Variants in ZFYVE28 observed in about 807,000 individuals in gnomAD.
The protein encoded by ZFYVE28 is lateral signaling target protein 2 homolog.
ZFYVE28 carries 40 observed loss-of-function variants against 82.1 expected under a neutral mutation model. The ratio of observed to expected loss-of-function variants is 0.49; its 90% CI spans 0.38 to 0.63. The LOEUF (loss-of-function observed/expected upper bound fraction) is 0.63, where lower values mean the gene tolerates loss of function less well. Ranked by LOEUF, ZFYVE28 falls within the 30% of genes least tolerant of loss-of-function variation. The pLI is 0.00. For synonymous variants in ZFYVE28, 612 were observed against 546.1 expected (o/e 1.12, Z -1.68); for missense variants, 1,321 against 1,242.1 (o/e 1.06, Z -0.96).
chr4:2,349,109 C>A (rs947598392), intron 2 of ZFYVE28, among the ~76,000 whole-genome samples: 2 of 151,954 alleles, frequency 1.3e-5, no homozygotes, highest in Non-Finnish European at 2.9e-5. Flanking sequence ...TCTTTCAGTG[C>A]TATAGATAAT....
rs771703584 is a variant in ZFYVE28 at position 2,304,493 on chromosome 4, G to A, written c.1847C>T (p.Pro616Leu). The A allele has an allele frequency of 6.2e-6, 10 of 1,612,934 alleles. No homozygotes were observed. Among genetic ancestry groups the A allele is most frequent in the Non-Finnish European group, 8.5e-6 (10 of 1,179,674 alleles). Residue 616 changes from proline (P) to leucine (L), a missense_variant, in exon 8 of 13, where the codon CCC (proline) becomes CTC (leucine). By Grantham distance (98) the Pro-to-Leu change is moderately conservative. Around this residue, in one of 2 missense-constraint regions of ZFYVE28, gnomAD observed 978 missense variants for 833.7 expected, o/e 1.17. Transcript: ENST00000290974. The part of the protein sequence containing the change: ...APERQEEAPP[P>L]SEDASNGREP... ...CCGCCCGTTGGAGGCATCTTCTGAG[G>A]GTGGGGGCGCCTCCTCCTGTCTCTC...
At chr4:2,314,714 A>T in intron 7 of ZFYVE28, among the ~76,000 whole-genome samples, 1 of 152,216 alleles carries the variant, frequency 6.6e-6, no homozygotes, top group Middle Eastern at 3.2e-3. Flanking sequence ...TAAACTCCAC[A>T]GACACTATAA....
At chr4:2,400,754 G>A (rs376057221) in intron 1 of ZFYVE28, among the ~76,000 whole-genome samples, 120 of 152,208 alleles carry the variant, frequency 7.9e-4, no homozygotes, top group African/African-American at 2.8e-3. Context: ...GCCCTTTCAC[G>A]TTCTTCTGCC....
At chr4:2,298,347 C>T (rs1019292425) in intron 8 of ZFYVE28, among the ~76,000 whole-genome samples, 5 of 152,158 alleles carry the variant, frequency 3.3e-5, no homozygotes, top group Non-Finnish European at 7.4e-5. Context: ...GCTGTTGGTC[C>T]GTTTTGCATA....
rs758368856 is a variant in ZFYVE28, at chr4:2,418,071, G to C, written c.39+214C>G. Among the ~76,000 whole-genome samples, 13 of 152,058 alleles carry C rather than the reference G, an allele frequency of 8.5e-5. No individual in the cohort carries two copies. Among genetic ancestry groups the C allele is most frequent in the Non-Finnish European group, 1.8e-4 (12 of 67,994 alleles). The stretch of plus-strand genomic sequence containing the variant: ...GCAGGAGGGTCAGTCCTGGACCCGG[G>C]CTTAGGAAGCCGGGAGGGAGGTTCG... On this transcript the variant is annotated intron_variant, in intron 1 of 12. Coordinates refer to ENST00000290974, the MANE Select transcript of ZFYVE28 (RefSeq NM_020972.3). The surrounding 1 kb of genome is among the most constrained non-coding windows in gnomAD (Gnocchi z 4.6).
At chr4:2,294,079 T>TTA (rs1233315801) in intron 8 of ZFYVE28, among the ~76,000 whole-genome samples, 1 of 151,980 alleles carries the variant, frequency 6.6e-6, no homozygotes, top group Non-Finnish European at 1.5e-5. Flanking sequence ...GCAGGCTTTT[T>TTA]TTTTTTTTTT....
chr4:2,334,121 C>T (rs1721179644), intron 6 of ZFYVE28, among the ~76,000 whole-genome samples: 1 of 152,158 alleles, frequency 6.6e-6, no homozygotes, highest in African/African-American at 2.4e-5. Flanking sequence ...ATGTGAGGCT[C>T]ACTCTCTCTG....
chr4:2,339,341 G>T lies in ZFYVE28; in HGVS notation c.521+112C>A. ...CCACAGGCGGCCCTGAACCTGCCTG[G>T]CTCCTCCCTCTGTGGAATTTTCCAG... On this transcript the variant is annotated intron_variant, in intron 4 of 12. Transcript: ENST00000290974. This position sits in a 1 kb window ranked among gnomAD's most constrained non-coding sequence, Gnocchi z 5.0. 1 of 1,285,658 alleles carries T rather than the reference G, an allele frequency of 7.8e-7. No individual in the cohort carries two copies. The highest frequency in any genetic ancestry group is 1.1e-6 in the Non-Finnish European group (1 of 926,922). The allele number at this position is 1,285,658 out of a possible 1,614,324, so 79.6% of individuals were successfully genotyped here.
At chr4:2,415,415 G>T (rs1732926891) in intron 1 of ZFYVE28, among the ~76,000 whole-genome samples, 1 of 150,632 alleles carries the variant, frequency 6.6e-6, no homozygotes, top group Admixed American at 6.6e-5. Context: ...CCAGGAATTT[G>T]AGTCCAGCCG....
intron 1 of ZFYVE28, among the ~76,000 whole-genome samples, chr4:2,354,278 T>C (rs1188309348): frequency 1.3e-5 from 2 of 152,000 alleles, no homozygotes; most frequent in African/African-American, 4.8e-5. Flanking sequence ...CAACCCCTGA[T>C]TCAAGGGTCC....
intron 1 of ZFYVE28, among the ~76,000 whole-genome samples, chr4:2,373,489 T>C (rs541692511): frequency 6.6e-6 from 1 of 152,244 alleles, no homozygotes; most frequent in Admixed American, 6.5e-5. Context: ...TGGGCAACAG[T>C]GTGAGACCCT....
chr4:2,375,657 TG>T (rs60725675), intron 1 of ZFYVE28, among the ~76,000 whole-genome samples: 152,066 of 152,082 alleles, frequency 1, 76,025 homozygotes, highest in Middle Eastern at 1. Flanking sequence ...GCGCCTGCCC[TG>T]GGGGCGGGAC....
chr4:2,339,800 G>C lies in ZFYVE28; in HGVS notation c.319-145C>G. 1 of 726,994 alleles carries C rather than the reference G, an allele frequency of 1.4e-6. No individual in the cohort carries two copies. 45.0% of individuals were successfully genotyped at this position (726,994 alleles called of 1,614,324 possible). A position where few individuals can be genotyped will look rare whatever the true frequency, so the allele number is the denominator to read the frequency against. On this transcript the variant is annotated intron_variant, in intron 3 of 12. Coordinates refer to ENST00000290974, the MANE Select transcript of ZFYVE28 (RefSeq NM_020972.3). The surrounding 1 kb of genome is among the most constrained non-coding windows in gnomAD (Gnocchi z 5.0). ...CAGCTCGTGTTCCCGGTCCCCGCAG[G>C]AGGTTTTTCTTACATTCAGAGCAAT...
chr4:2,305,954 G>A (rs1369397841), intron 7 of ZFYVE28, among the ~76,000 whole-genome samples: 2 of 152,248 alleles, frequency 1.3e-5, no homozygotes, highest in Non-Finnish European at 2.9e-5. Flanking sequence ...GCAGGAGCTG[G>A]GTACCAGGAC....
intron 1 of ZFYVE28, among the ~76,000 whole-genome samples, chr4:2,382,551 CTTTGT>C (rs2108915634): frequency 6.6e-6 from 1 of 152,314 alleles, no homozygotes; most frequent in East Asian, 1.9e-4. Flanking sequence ...CCTGTAACCC[CTTTGT>C]TTTGACTAAT....
intron 8 of ZFYVE28, among the ~76,000 whole-genome samples, chr4:2,302,860 G>A (rs1307999020): frequency 2.0e-5 from 3 of 152,250 alleles, no homozygotes; most frequent in Non-Finnish European, 4.4e-5. Context: ...GCCGGACCCT[G>A]GAGGTCACAC....
At chr4:2,306,090 CA>C (rs1356879422) in intron 7 of ZFYVE28, among the ~76,000 whole-genome samples, 1 of 152,232 alleles carries the variant, frequency 6.6e-6, no homozygotes, top group Non-Finnish European at 1.5e-5. Context: ...CAACCAAAGA[CA>C]ATGCAAGCCA....
chr4:2,350,485 G>C (rs979426041), intron 2 of ZFYVE28, among the ~76,000 whole-genome samples: 2 of 151,870 alleles, frequency 1.3e-5, no homozygotes, highest in African/African-American at 4.8e-5. Context: ...AAGAAAGAAA[G>C]AAAGTATGAT....
At chr4:2,413,525 G>C (rs931274886) in intron 1 of ZFYVE28, among the ~76,000 whole-genome samples, 1 of 151,946 alleles carries the variant, frequency 6.6e-6, no homozygotes, top group Non-Finnish European at 1.5e-5. Flanking sequence ...AGCCCCCTCC[G>C]TGCCAGGCGC....
Sources: gnomAD v4.1 joint callset for allele counts (sites outside exome capture counted in the v4.1 genomes callset) on GRCh38, gnomAD v4.1.1 for gene constraint, gnomAD v4.1.1 regional missense constraint, Gnocchi (gnomAD v3.1) non-coding constraint, MANE v1.5 for transcripts, NCBI Gene and HGNC (gene_info 2026-07-23, HGNC 2026-07-21) for gene names.